Variants in ATRNL1 observed in about 807,000 individuals in gnomAD.
ATRNL1 encodes attractin like 1, also known as attractin-like protein 1.
A neutral mutation model predicts 182.7 loss-of-function variants in ATRNL1; 95 were observed. The observed-to-expected ratio is 0.52, with a 90% confidence interval of 0.44 to 0.62. ATRNL1 has a LOEUF of 0.62. ATRNL1 is among the 20% of genes least tolerant of loss of function. ATRNL1 has a pLI of 0.00. For synonymous variants in ATRNL1, 576 were observed against 568.3 expected (o/e 1.01, Z -0.19); for missense variants, 1,471 against 1,679.5 (o/e 0.88, Z 2.17).
At chr10:115,246,555 T>TAACAAG (rs1850652558) in intron 10 of ATRNL1, among the ~76,000 whole-genome samples, 15 of 116,228 alleles carry the variant, frequency 1.3e-4, no homozygotes, top group Middle Eastern at 3.6e-3. Flanking sequence ...CTCTCATTCT[T>TAACAAG]TTTTTTTTTT....
intron 22 of ATRNL1, among the ~76,000 whole-genome samples, chr10:115,465,977 A>C (rs530214762): frequency 1.4e-3 from 219 of 151,558 alleles, no homozygotes; most frequent in Non-Finnish European, 2.7e-3. Flanking sequence ...GGAAATCATT[A>C]AGAGTAGATG....
intron 15 of ATRNL1, among the ~76,000 whole-genome samples, chr10:115,297,815 A>G (rs183379687): frequency 9.3e-4 from 142 of 152,248 alleles, no homozygotes; most frequent in African/African-American, 3.3e-3. Context: ...TGCTTAAGAC[A>G]TATTATTTTT....
chr10:115,927,329 T>C (rs1232188483), intron 28 of ATRNL1, among the ~76,000 whole-genome samples: 2 of 152,150 alleles, frequency 1.3e-5, no homozygotes, highest in Non-Finnish European at 2.9e-5. Context: ...CTGGAAGCAT[T>C]CCCTTTGAAA....
intron 20 of ATRNL1, among the ~76,000 whole-genome samples, chr10:115,402,349 C>T (rs1162661784): frequency 5.3e-5 from 8 of 152,088 alleles, no homozygotes; most frequent in African/African-American, 1.9e-4. Flanking sequence ...TGTAGGATGT[C>T]TGCACCCCTG....
intron 27 of ATRNL1, among the ~76,000 whole-genome samples, chr10:115,743,838 T>C (rs1309736589): frequency 1.3e-5 from 2 of 151,986 alleles, no homozygotes; most frequent in African/African-American, 4.8e-5. Context: ...CTTAAAAAAA[T>C]AACAAAAAGA....
At chr10:115,681,232 T>C (rs1024114799) in intron 26 of ATRNL1, among the ~76,000 whole-genome samples, 2 of 152,154 alleles carry the variant, frequency 1.3e-5, no homozygotes, top group African/African-American at 4.8e-5. Context: ...TTGGTCCTTC[T>C]ATGTCATGTG....
chr10:115,317,306 A>C (rs137866254), intron 18 of ATRNL1, among the ~76,000 whole-genome samples: 2 of 152,128 alleles, frequency 1.3e-5, no homozygotes, highest in East Asian at 3.9e-4. Flanking sequence ...CTTGTAGTAT[A>C]GTTCGAAGTC....
intron 28 of ATRNL1, among the ~76,000 whole-genome samples, chr10:115,867,290 A>C (rs1375176638): frequency 6.6e-6 from 1 of 152,200 alleles, no homozygotes; most frequent in African/African-American, 2.4e-5. Context: ...ATAGAATTCC[A>C]TGCTGTCACT....
chr10:115,140,585 A>G (rs1554877802), intron 5 of ATRNL1, among the ~76,000 whole-genome samples: 1 of 152,174 alleles, frequency 6.6e-6, no homozygotes. Context: ...TTTATATGTA[A>G]GAGAGTTGCT....
chr10:115,203,642 C>T (rs571694087), intron 8 of ATRNL1, among the ~76,000 whole-genome samples: 7 of 147,244 alleles, frequency 4.8e-5, no homozygotes, highest in East Asian at 4.0e-4. Context: ...TGTAGTGGCA[C>T]GCTCTTGGCT....
At chr10:115,683,556 T>TTTTTG (rs1555045391) in intron 26 of ATRNL1, among the ~76,000 whole-genome samples, 3 of 145,538 alleles carry the variant, frequency 2.1e-5, no homozygotes, top group African/African-American at 8.0e-5. Context: ...GCGTTTTTTT[T>TTTTTG]TTTTTTTTGC....
At chr10:115,370,149 A>T (rs1170172106) in intron 19 of ATRNL1, among the ~76,000 whole-genome samples, 1 of 152,212 alleles carries the variant, frequency 6.6e-6, no homozygotes, top group African/African-American at 2.4e-5. Context: ...CATGATTGTG[A>T]GGCCTCCCCA....
chr10:115,587,086 T>C (rs1462335476), intron 26 of ATRNL1, among the ~76,000 whole-genome samples: 10 of 149,320 alleles, frequency 6.7e-5, no homozygotes, highest in Non-Finnish European at 1.0e-4. Context: ...GGTCAGGGAT[T>C]CACTTGAGGA....
At chr10:115,131,946 T>G (rs1592143024) in intron 5 of ATRNL1, among the ~76,000 whole-genome samples, 1 of 152,302 alleles carries the variant, frequency 6.6e-6, no homozygotes, top group Admixed American at 6.5e-5. Flanking sequence ...ATTTTTTTAT[T>G]ATACTTTAAG....
intron 26 of ATRNL1, among the ~76,000 whole-genome samples, chr10:115,657,701 A>G (rs1555036417): frequency 2.0e-5 from 3 of 152,112 alleles, no homozygotes; most frequent in South Asian, 2.1e-4. Context: ...ATTCATTGTC[A>G]TAACGGCCAC....
At chr10:115,220,260 G>A (rs1849400665) in intron 9 of ATRNL1, 1 of 152,206 alleles carries the variant, frequency 6.6e-6, no homozygotes, top group Admixed American at 6.5e-5. Context: ...TACTAAGAAT[G>A]ATGCTCTTAG....
intron 27 of ATRNL1, among the ~76,000 whole-genome samples, chr10:115,809,905 T>C (rs1555086557): frequency 6.6e-6 from 1 of 152,014 alleles, no homozygotes; most frequent in East Asian, 1.9e-4. Context: ...TCTTTTACCA[T>C]TAAGTATGAT....
intron 26 of ATRNL1, among the ~76,000 whole-genome samples, chr10:115,578,260 G>A (rs1388333879): frequency 6.6e-6 from 1 of 151,774 alleles, no homozygotes; most frequent in Admixed American, 6.6e-5. Flanking sequence ...GGTGATACTA[G>A]CTTCATAAGA....
intron 28 of ATRNL1, among the ~76,000 whole-genome samples, chr10:115,848,560 C>A (rs1322400439): frequency 1.3e-5 from 2 of 152,064 alleles, no homozygotes; most frequent in East Asian, 3.9e-4. Context: ...GCACAGCCAG[C>A]CTTTGTTCTG....
Sources: gnomAD v4.1 joint callset for allele counts (sites outside exome capture counted in the v4.1 genomes callset) on GRCh38, gnomAD v4.1.1 for gene constraint, MANE v1.5 for transcripts, NCBI Gene and HGNC (gene_info 2026-07-23, HGNC 2026-07-21) for gene names.